TESC: variants seen among roughly 807,000 people sequenced by gnomAD.
TESC encodes tescalcin.
Under a neutral mutation model 31.0 loss-of-function variants are expected in TESC, and 19 were observed. That is an observed-to-expected ratio of 0.61 (90% CI 0.43 to 0.90). The LOEUF is 0.90. Ranked by LOEUF, TESC falls within the 40% of genes least tolerant of loss-of-function variation. The pLI, the probability that TESC is intolerant of heterozygous loss-of-function variation, is 0.00. For missense variants in TESC, 248 were observed against 303.8 expected (o/e 0.82, Z 1.36); for synonymous variants, 109 against 114.8 (o/e 0.95, Z 0.32).
Position 117,099,294 on chromosome 12 carries a change from C to T in TESC, c.-12G>A. 7.0e-7 allele frequency: 1 copy of T among 1,424,746 alleles called. No homozygotes were observed. The allele number at this position is 1,424,746 out of a possible 1,614,324, so 88.3% of individuals were successfully genotyped here. On this transcript the variant is annotated 5_prime_UTR_variant, in exon 1 of 8. Coordinates refer to ENST00000335209, the MANE Select transcript of TESC (RefSeq NM_017899.4). Reference sequence around the variant, plus strand: ...TGGGCAGCGCCCATGGTGCCCGCGGCGGGGGCCCCGGGGCGCGCGTCCCTC... The same window carrying T: ...TGGGCAGCGCCCATGGTGCCCGCGGTGGGGGCCCCGGGGCGCGCGTCCCTC...
chr12:117,054,912 G>A (rs984716111), intron 3 of TESC, among the ~76,000 whole-genome samples: 2 of 152,122 alleles, frequency 1.3e-5, no homozygotes, highest in Admixed American at 6.6e-5. Context: ...CCAGCAGCAT[G>A]GGGAGGGTAT....
intron 3 of TESC, among the ~76,000 whole-genome samples, chr12:117,053,105 C>CG (rs1954672177): frequency 2.6e-5 from 4 of 152,212 alleles, no homozygotes; most frequent in African/African-American, 9.6e-5. Context: ...GATGTGGTCA[C>CG]TTGTTTCAAC....
intron 6 of TESC, 42 bp from the exon 7 acceptor site, chr12:117,042,036 C>T (rs1377300444): frequency 5.7e-6 from 9 of 1,568,748 alleles, no homozygotes; most frequent in East Asian, 4.7e-5. Flanking sequence ...TGGCGCAGGT[C>T]CCCACACAGC....
intron 2 of TESC, among the ~76,000 whole-genome samples, chr12:117,067,592 A>T (rs941530231): frequency 6.6e-6 from 1 of 152,174 alleles, no homozygotes; most frequent in Admixed American, 6.5e-5. Context: ...AAAAGTGGTC[A>T]TATCATAGAC....
intron 1 of TESC, among the ~76,000 whole-genome samples, chr12:117,083,541 CA>C (rs1654122021): frequency 6.6e-6 from 1 of 152,166 alleles, no homozygotes. Context: ...ATCCAGATGA[CA>C]GAACATTATT....
At chr12:117,093,438 G>C (rs141633226) in intron 1 of TESC, among the ~76,000 whole-genome samples, 329 of 152,290 alleles carry the variant, frequency 2.2e-3, no homozygotes, top group African/African-American at 7.6e-3. Context: ...TTTCTTTGGA[G>C]ACAGTCTCGC....
At chr12:117,075,201 A>T in intron 2 of TESC, 70 bp downstream of exon 2, 1 of 1,512,094 alleles carries the variant, frequency 6.6e-7, no homozygotes. Flanking sequence ...AGCACTCAAG[A>T]AAAGAAACAG....
chr12:117,072,561 T>G (rs1954989021), intron 2 of TESC, among the ~76,000 whole-genome samples: 1 of 152,222 alleles, frequency 6.6e-6, no homozygotes, highest in South Asian at 2.1e-4. Context: ...TCTATGCATG[T>G]AGAATATGAA....
intron 3 of TESC, among the ~76,000 whole-genome samples, chr12:117,053,703 C>A (rs1171915382): frequency 6.6e-6 from 1 of 152,132 alleles, no homozygotes; most frequent in African/African-American, 2.4e-5. Context: ...CTACACACAC[C>A]CCCTAAACGT....
chr12:117,049,699 G>A (rs1230540003), intron 3 of TESC, among the ~76,000 whole-genome samples: 1 of 151,978 alleles, frequency 6.6e-6, no homozygotes, highest in Non-Finnish European at 1.5e-5. Context: ...TCAGGAGTTC[G>A]AGACCAGCCT....
intron 1 of TESC, among the ~76,000 whole-genome samples, chr12:117,075,895 ATATATATATATATATATATGTGTG>A (rs1565971542): frequency 2.4e-4 from 20 of 83,034 alleles, no homozygotes; most frequent in African/African-American, 1.4e-3. Flanking sequence ...ATATATATAT[ATATATATATATATATATATGTGTG>A]TGTGTATATA....
At chr12:117,039,261 C>T (rs1429746457) in intron 7 of TESC, 51 bp from the exon 8 acceptor site, 1 of 1,551,120 alleles carries the variant, frequency 6.4e-7, no homozygotes. Context: ...CCACCTCACA[C>T]CTGACCAGGC....
intron 2 of TESC, among the ~76,000 whole-genome samples, chr12:117,066,199 G>GTTT (rs1207238840): frequency 2.8e-5 from 2 of 72,612 alleles, no homozygotes; most frequent in African/African-American, 1.9e-4. Flanking sequence ...CCTTCCTTTA[G>GTTT]CTTTTTTTTT....
intron 1 of TESC, among the ~76,000 whole-genome samples, chr12:117,096,881 C>T (rs1955403646): frequency 6.6e-6 from 1 of 152,176 alleles, no homozygotes; most frequent in East Asian, 1.9e-4. Flanking sequence ...GCCCGAGATG[C>T]CCTTTCCACT....
chr12:117,072,464 A>T (rs1029287101), intron 2 of TESC, among the ~76,000 whole-genome samples: 2 of 152,164 alleles, frequency 1.3e-5, no homozygotes, highest in Admixed American at 6.5e-5. Context: ...CAGAGAAAGG[A>T]AGTAACCAGC....
At chr12:117,040,863 C>T (rs570829517) in intron 7 of TESC, among the ~76,000 whole-genome samples, 2 of 152,348 alleles carry the variant, frequency 1.3e-5, no homozygotes, top group Admixed American at 6.5e-5. Flanking sequence ...AGGGCCCAGT[C>T]CCCCAGTCCT....
rs182197335 is a variant in TESC at position 117,055,738 on chromosome 12, G to T, written c.209+1068C>A. ...CCCAGGAGATGCCACCAGCCACAAG[G>T]CTGAATCCGGAAACAGAGCCTACCT... On this transcript the variant is annotated intron_variant, in intron 3 of 7. Coordinates refer to ENST00000335209, the MANE Select transcript of TESC (RefSeq NM_017899.4). 6.4e-4 allele frequency among the ~76,000 whole-genome samples: 97 copies of T among 152,312 alleles called. 1 individual carries two copies. Among genetic ancestry groups the T allele is most frequent in the Middle Eastern group, 3.4e-3 (1 of 294 alleles).
Position 117,057,825 on chromosome 12 carries a change from G to A in TESC, c.129-939C>T, listed in dbSNP as rs529862033. On this transcript the variant is annotated intron_variant, in intron 2 of 7. Coordinates refer to ENST00000335209, the MANE Select transcript of TESC (RefSeq NM_017899.4). ...CTGCCGCCCAGGCTGGAGTGCAGTG[G>A]TGCAATCCTGGCTCACTGCAACCAC... Among the ~76,000 whole-genome samples, 16 of 152,252 alleles carry A rather than the reference G, an allele frequency of 1.1e-4. No individual in the cohort carries two copies. In the South Asian group the frequency reaches 3.1e-3, roughly 30 times the overall value.
intron 1 of TESC, among the ~76,000 whole-genome samples, chr12:117,078,205 C>A (rs909503007): frequency 5.3e-5 from 8 of 152,154 alleles, no homozygotes; most frequent in Admixed American, 3.3e-4. Flanking sequence ...CGGTGGCTCA[C>A]GCCTGGAATC....
Sources: gnomAD v4.1 joint callset for allele counts (sites outside exome capture counted in the v4.1 genomes callset) on GRCh38, gnomAD v4.1.1 for gene constraint, MANE v1.5 for transcripts, NCBI Gene and HGNC (gene_info 2026-07-23, HGNC 2026-07-21) for gene names.